WDR72: variants seen among roughly 807,000 people sequenced by gnomAD.
WDR72 encodes WD repeat domain 72, also known as WD repeat-containing protein 72.
WDR72 carries 120 observed loss-of-function variants against 124.2 expected under a neutral mutation model. The observed-to-expected ratio is 0.97, with a 90% CI of 0.83 to 1.12. The LOEUF is 1.12. Ranked by LOEUF, WDR72 falls within the 50% of genes most tolerant of loss-of-function variation. WDR72 has a pLI of 0.00. For synonymous variants in WDR72, 452 were observed against 441.7 expected (o/e 1.02, Z -0.29); for missense variants, 1,387 against 1,278.8 (o/e 1.08, Z -1.29).
chr15:53,699,693 C>T, intron 13 of WDR72, 57 bp downstream of exon 13: 6 of 1,582,524 alleles, frequency 3.8e-6, no homozygotes, highest in Non-Finnish European at 5.2e-6. Context: ...TCCATCTGGT[C>T]AAATGCTTGT....
chr15:53,686,572 T>C (rs1462965529), intron 13 of WDR72, among the ~76,000 whole-genome samples: 1 of 151,450 alleles, frequency 6.6e-6, no homozygotes, highest in Non-Finnish European at 1.5e-5. Context: ...AAGTCCTGAG[T>C]GACCTACAAA....
At chr15:53,654,267 T>C (rs979074320) in intron 14 of WDR72, among the ~76,000 whole-genome samples, 5 of 152,224 alleles carry the variant, frequency 3.3e-5, no homozygotes, top group Non-Finnish European at 1.5e-5. Context: ...CATTCATACA[T>C]AACGAGACTT....
intron 2 of WDR72, among the ~76,000 whole-genome samples, chr15:53,731,879 C>T (rs1052577963): frequency 6.6e-6 from 1 of 152,090 alleles, no homozygotes; most frequent in Non-Finnish European, 1.5e-5. Context: ...TTAGCAATGC[C>T]TTTATAAATA....
intron 18 of WDR72, among the ~76,000 whole-genome samples, chr15:53,547,215 C>T (rs149468470): frequency 2.0e-5 from 3 of 152,308 alleles, no homozygotes; most frequent in East Asian, 1.9e-4. Flanking sequence ...CAAATGGAAA[C>T]ACCAAGTCCT....
rs777451528 is a variant in WDR72, at chr15:53,733,126, C to T, written c.24G>A (p.Val8=). The change falls in exon 2 of 20, where the codon GTG becomes GTA. Residue 8 remains valine (V), a synonymous_variant. Transcript: ENST00000360509. ...GAGGGGCCTTCTGTCCCCAGAGTGC[C>T]ACTGCCTGCAGGGAAGTCCTCATTT... MRTSLQA[V]ALWGQKAPPH... The T allele has an allele frequency of 1.9e-6, 3 of 1,614,028 alleles. No individual in the cohort carries two copies. Among genetic ancestry groups the T allele is most frequent in the Admixed American group, 3.3e-5 (2 of 60,000 alleles).
At chr15:53,633,250 T>C (rs552281135) in intron 14 of WDR72, among the ~76,000 whole-genome samples, 7 of 152,286 alleles carry the variant, frequency 4.6e-5, no homozygotes, top group Admixed American at 4.6e-4. Context: ...TCTCATGAGA[T>C]ACGGTTGTTT....
chr15:53,543,095 A>C (rs1276930896), intron 18 of WDR72, among the ~76,000 whole-genome samples: 3 of 141,888 alleles, frequency 2.1e-5, no homozygotes, highest in Non-Finnish European at 3.1e-5. Flanking sequence ...CGAGACAGAA[A>C]GTCAACAAGG....
intron 2 of WDR72, among the ~76,000 whole-genome samples, chr15:53,731,809 T>C (rs140785107): frequency 6.6e-6 from 1 of 152,190 alleles, no homozygotes; most frequent in Non-Finnish European, 1.5e-5. Flanking sequence ...GTACCCACCA[T>C]ACCACACAAC....
chr15:53,636,469 G>T (rs1002857687), intron 14 of WDR72, among the ~76,000 whole-genome samples: 2 of 151,648 alleles, frequency 1.3e-5, no homozygotes, highest in African/African-American at 4.8e-5. Context: ...AATTAAATCG[G>T]GAGGAACAGA....
chr15:53,702,425 C>T, intron 11 of WDR72, 71 bp from the exon 12 acceptor site: 2 of 1,308,638 alleles, frequency 1.5e-6, no homozygotes, highest in Non-Finnish European at 2.2e-6. Flanking sequence ...AGATTCTCTT[C>T]TATAAAATTT....
intron 13 of WDR72, among the ~76,000 whole-genome samples, chr15:53,688,825 C>G (rs1243560421): frequency 2.0e-5 from 3 of 151,830 alleles, no homozygotes; most frequent in East Asian, 1.9e-4. Flanking sequence ...TACTACAAGG[C>G]TACAGTAACC....
chr15:53,668,949 G>GGAGGAGGAGGAGGAC (rs2015880613), intron 13 of WDR72, among the ~76,000 whole-genome samples: 2 of 30,416 alleles, frequency 6.6e-5, no homozygotes, highest in African/African-American at 1.4e-4. Context: ...AGGAGGAGCA[G>GGAGGAGGAGGAGGAC]GAGGAGGAGG....
chr15:53,596,983 T>C (rs2012807243), intron 18 of WDR72, 96 bp downstream of exon 18: 3 of 1,176,594 alleles, frequency 2.5e-6, no homozygotes, highest in Non-Finnish European at 3.8e-6. Flanking sequence ...CACCATGATA[T>C]AATCGAAAAT....
intron 15 of WDR72, among the ~76,000 whole-genome samples, chr15:53,615,106 G>GTGTA (rs928883722): frequency 6.6e-4 from 100 of 151,912 alleles, no homozygotes; most frequent in Middle Eastern, 3.4e-3. Flanking sequence ...GTATGTATAT[G>GTGTA]TGTATGTATG....
intron 14 of WDR72, among the ~76,000 whole-genome samples, chr15:53,664,392 A>C (rs2015708806): frequency 6.6e-6 from 1 of 152,140 alleles, no homozygotes; most frequent in Non-Finnish European, 1.5e-5. Context: ...TCACGTGTGA[A>C]ATCTAAATCA....
intron 18 of WDR72, among the ~76,000 whole-genome samples, chr15:53,531,583 C>T (rs1892471451): frequency 6.6e-6 from 1 of 152,022 alleles, no homozygotes; most frequent in South Asian, 2.1e-4. Context: ...AGTAGAGTTT[C>T]ATTTGATATT....
intron 13 of WDR72, among the ~76,000 whole-genome samples, chr15:53,667,407 T>C (rs2015817545): frequency 7.7e-6 from 1 of 130,508 alleles, no homozygotes; most frequent in East Asian, 2.3e-4. Context: ...CTAGATATTC[T>C]GGGACTTTAA....
At chr15:53,742,777 A>C (rs974718071) in intron 1 of WDR72, among the ~76,000 whole-genome samples, 14 of 152,194 alleles carry the variant, frequency 9.2e-5, no homozygotes, top group Non-Finnish European at 1.8e-4. Flanking sequence ...AGTACATTAC[A>C]CTTTGTACGT....
chr15:53,747,489 A>T (rs1249266944), intron 1 of WDR72, among the ~76,000 whole-genome samples: 1 of 152,228 alleles, frequency 6.6e-6, no homozygotes, highest in African/African-American at 2.4e-5. Flanking sequence ...AAGCTGAAAC[A>T]GCCCAGAGAT....
Sources: gnomAD v4.1 joint callset for allele counts (sites outside exome capture counted in the v4.1 genomes callset) on GRCh38, gnomAD v4.1.1 for gene constraint, MANE v1.5 for transcripts, NCBI Gene and HGNC (gene_info 2026-07-23, HGNC 2026-07-21) for gene names.